Variants in RNF8 observed in about 807,000 individuals in gnomAD.
RNF8 encodes the protein ring finger protein 8, also known as E3 ubiquitin-protein ligase RNF8.
In RNF8, 8 loss-of-function variants were observed where a neutral mutation model predicts 59.3. That is an observed-to-expected ratio of 0.13 (90% CI 0.08 to 0.24). RNF8 has a LOEUF of 0.24. Among genes scored for constraint, RNF8 ranks in the 10% least tolerant of loss-of-function variants. The pLI, the probability that RNF8 is intolerant of heterozygous loss-of-function variation, is 1.00. For synonymous variants in RNF8, 162 were observed against 200.0 expected (o/e 0.81, Z 1.60); for missense variants, 406 against 572.6 (o/e 0.71, Z 2.97).
chr6:37,378,464 G>A (rs1252507268), intron 6 of RNF8, among the ~76,000 whole-genome samples: 1 of 151,872 alleles, frequency 6.6e-6, no homozygotes, highest in Admixed American at 6.6e-5. Context: ...AGCCAAGCAT[G>A]GTGGCATGCA....
chr6:37,368,207 A>G (rs1769644853), intron 2 of RNF8, among the ~76,000 whole-genome samples: 1 of 152,100 alleles, frequency 6.6e-6, no homozygotes, highest in South Asian at 2.1e-4. Context: ...ATGCTATTCC[A>G]TGTGTTTGAG....
At position 37,387,946 on chromosome 6, in the gene RNF8, T is replaced by C. The variant is rs548918247; in HGVS notation, c.1442-2796T>C. On this transcript the variant is annotated intron_variant, in intron 7 of 7. Coordinates refer to ENST00000373479, the MANE Select transcript of RNF8 (RefSeq NM_003958.4). ...ATATTGAGCATTCAGCCTGGAAAAG[T>C]TGGCAGGACTGGGTCATGCAGGGTG... Among the ~76,000 whole-genome samples, 7 of 152,254 alleles carry C rather than the reference T, an allele frequency of 4.6e-5. No homozygotes were observed. In the South Asian group the frequency reaches 1.5e-3, roughly 32 times the overall value.
intron 6 of RNF8, among the ~76,000 whole-genome samples, chr6:37,380,744 G>A (rs1048082007): frequency 6.6e-6 from 1 of 151,468 alleles, no homozygotes; most frequent in East Asian, 2.0e-4. Context: ...GTGCAGTGGT[G>A]TGATTTTGTC....
intron 5 of RNF8, among the ~76,000 whole-genome samples, chr6:37,375,078 G>T (rs943090467): frequency 6.6e-6 from 1 of 152,184 alleles, no homozygotes; most frequent in Non-Finnish European, 1.5e-5. Flanking sequence ...ATTACTTAAT[G>T]CAGTTTCTTC....
chr6:37,368,461 C>A (rs758051327), intron 2 of RNF8, 23 bp from the exon 3 acceptor site: 6 of 1,613,702 alleles, frequency 3.7e-6, no homozygotes, highest in East Asian at 2.2e-5. Context: ...AAGCTTATTT[C>A]TTCTTTCTTT....
chr6:37,386,008 G>A (rs1370382267), intron 7 of RNF8, among the ~76,000 whole-genome samples: 1 of 151,746 alleles, frequency 6.6e-6, no homozygotes, highest in African/African-American at 2.4e-5. Flanking sequence ...CTAATTTTTT[G>A]TATTTTTTGT....
At chr6:37,358,955 G>A (rs1769216390) in intron 1 of RNF8, among the ~76,000 whole-genome samples, 1 of 152,088 alleles carries the variant, frequency 6.6e-6, no homozygotes, top group Admixed American at 6.5e-5. Flanking sequence ...AAATTAGTTG[G>A]GTGTGGTGGT....
At chr6:37,363,227 C>T (rs1367166798) in intron 2 of RNF8, among the ~76,000 whole-genome samples, 1 of 152,166 alleles carries the variant, frequency 6.6e-6, no homozygotes, top group Non-Finnish European at 1.5e-5. Context: ...TTCTGGTCCT[C>T]CAGCAACTAG....
chr6:37,360,139 A>T lies in RNF8; in HGVS notation c.112-307A>T, dbSNP rs1769258458. Among the ~76,000 whole-genome samples the T allele has an allele frequency of 1.3e-5, 2 of 152,210 alleles. No individual in the cohort carries two copies. The highest frequency in any genetic ancestry group is 1.3e-4 in the Admixed American group (2 of 15,280). The stretch of plus-strand genomic sequence containing the variant: ...CTGACAGTATTTATGCGTTGATGGG[A>T]TGTGTAGAAAGAATTCCTCTATCTC... On this transcript the variant is annotated intron_variant, in intron 1 of 7. Coordinates refer to ENST00000373479, the MANE Select transcript of RNF8 (RefSeq NM_003958.4). The surrounding 1 kb of genome is among the most constrained non-coding windows in gnomAD (Gnocchi z 4.2).
At chr6:37,354,346 G>A (rs1196024684) in intron 1 of RNF8, 71 bp downstream of exon 1, 7 of 1,259,412 alleles carry the variant, frequency 5.6e-6, no homozygotes, top group Non-Finnish European at 7.6e-6. Flanking sequence ...GAGGGAGGAA[G>A]GTGTCTTGCT....
At chr6:37,389,477 A>G (rs779816115) in intron 7 of RNF8, among the ~76,000 whole-genome samples, 8 of 152,000 alleles carry the variant, frequency 5.3e-5, no homozygotes, top group Non-Finnish European at 1.2e-4. Context: ...AGGAGGAAGT[A>G]GGGTGAAATG....
intron 4 of RNF8, 49 bp downstream of exon 4, chr6:37,371,623 C>A: frequency 6.7e-7 from 1 of 1,489,340 alleles, no homozygotes; most frequent in Non-Finnish European, 9.4e-7. Context: ...GAGTGGGGAG[C>A]AAACAGGCAT....
At chr6:37,387,271 A>T (rs1282046941) in intron 7 of RNF8, among the ~76,000 whole-genome samples, 1 of 152,122 alleles carries the variant, frequency 6.6e-6, no homozygotes, top group Non-Finnish European at 1.5e-5. Context: ...TGTATCCTGG[A>T]GAGTTTGGAC....
rs148249495 is a variant in RNF8 at position 37,391,022 on chromosome 6, A to G, written c.*264A>G. 1 of 582,030 alleles carries G rather than the reference A, an allele frequency of 1.7e-6. No individual in the cohort carries two copies. Among genetic ancestry groups the G allele is most frequent in the Middle Eastern group, 4.6e-4 (1 of 2,178 alleles). 36.1% of individuals were successfully genotyped at this position (582,030 alleles called of 1,614,324 possible). On this transcript the variant is annotated 3_prime_UTR_variant, in exon 8 of 8. Coordinates refer to ENST00000373479, the MANE Select transcript of RNF8 (RefSeq NM_003958.4). ...AGACTCTGCCTCACTACATGTCGAA[A>G]GAGTTATTTGAGTTCTCTTCTGTTT...
At chr6:37,359,292 G>A in intron 1 of RNF8, 1 of 424,446 alleles carries the variant, frequency 2.4e-6, no homozygotes. Context: ...ATAAGACAGA[G>A]AATATGTACT....
chr6:37,354,110 A>G lies in RNF8; in HGVS notation c.-55A>G, dbSNP rs1769016436. 4 of 1,452,872 alleles carry G rather than the reference A, an allele frequency of 2.8e-6. No homozygotes were observed. The East Asian group carries it at 9.9e-5, about 36-fold the overall frequency. The allele number at this position is 1,452,872 out of a possible 1,614,324, so 90.0% of individuals were successfully genotyped here. ...GCTGAGGGGATGCACAGAGGCAGCC[A>G]GAACCTAGGTCAGGGTCTCGCTCGG... On this transcript the variant is annotated 5_prime_UTR_variant, in exon 1 of 8. Coordinates refer to ENST00000373479, the MANE Select transcript of RNF8 (RefSeq NM_003958.4).
chr6:37,361,356 A>G (rs1436233417), intron 2 of RNF8: 2 of 456,058 alleles, frequency 4.4e-6, no homozygotes, highest in Middle Eastern at 3.9e-4. Context: ...CAGTTTGTCT[A>G]AGGAGAGGTG....
rs1769268518 is a variant in RNF8, at chr6:37,360,399, T to C, written c.112-47T>C. 1.2e-6 allele frequency: 2 copies of C among 1,608,868 alleles called. No homozygotes were observed. The highest frequency in any genetic ancestry group is 1.7e-6 in the Non-Finnish European group (2 of 1,176,230). ...TGAGATTTGTAAAGGACCTCCCTTT[T>C]CAGCACAATGACTGATGGTATTTCT... On this transcript the variant is annotated intron_variant, in intron 1 of 7. Transcript: ENST00000373479. This position sits in a 1 kb window ranked among gnomAD's most constrained non-coding sequence, Gnocchi z 4.2.
intron 7 of RNF8, among the ~76,000 whole-genome samples, chr6:37,386,963 C>A (rs943672462): frequency 2.6e-5 from 4 of 152,178 alleles, no homozygotes; most frequent in Non-Finnish European, 4.4e-5. Context: ...TATCATTTTT[C>A]ATACCTACTT....
Sources: allele counts gnomAD v4.1 joint callset (sites outside exome capture counted in the v4.1 genomes callset), GRCh38; gene constraint gnomAD v4.1.1; non-coding constraint Gnocchi (gnomAD v3.1); transcripts MANE v1.5; gene names NCBI Gene and HGNC (gene_info 2026-07-23, HGNC 2026-07-21).